The following DIP2C variants were observed in gnomAD, a reference collection of about 807,000 sequenced individuals.
The protein encoded by DIP2C is DIP2 acetate--CoA ligase C (putative).
Under a neutral mutation model 192.4 loss-of-function variants are expected in DIP2C, and 33 were observed. The observed-to-expected ratio is 0.17, with a 90% confidence interval of 0.13 to 0.23. The LOEUF (loss-of-function observed/expected upper bound fraction) is 0.23. Among genes scored for constraint, DIP2C ranks in the 10% least tolerant of loss-of-function variants. The pLI, the probability that DIP2C is intolerant of heterozygous loss-of-function variation, is 1.00. For missense variants in DIP2C, 1,537 were observed against 2,110.1 expected (o/e 0.73, Z 5.32); for synonymous variants, 979 against 864.1 (o/e 1.13, Z -2.33).
chr10:432,185 G>C (rs1308035499), intron 4 of DIP2C, among the ~76,000 whole-genome samples: 1 of 152,042 alleles, frequency 6.6e-6, no homozygotes, highest in Non-Finnish European at 1.5e-5. Context: ...TTTTGTTCCA[G>C]TTTTGGTATT....
chr10:332,004 C>T (rs953132704), intron 29 of DIP2C, among the ~76,000 whole-genome samples: 1 of 152,072 alleles, frequency 6.6e-6, no homozygotes, highest in African/African-American at 2.4e-5. Context: ...TCACTGTAGC[C>T]CTGACCTCAT....
intron 1 of DIP2C, among the ~76,000 whole-genome samples, chr10:586,158 C>A (rs776785918): frequency 6.6e-6 from 1 of 152,166 alleles, no homozygotes; most frequent in Non-Finnish European, 1.5e-5. Flanking sequence ...CCTTCTATTT[C>A]TCACAACTTC....
intron 1 of DIP2C, among the ~76,000 whole-genome samples, chr10:499,117 C>CA (rs1217629300): frequency 6.6e-6 from 1 of 152,210 alleles, no homozygotes; most frequent in Non-Finnish European, 1.5e-5. Flanking sequence ...TCAATGAGAA[C>CA]AGTATGGCTG....
intron 1 of DIP2C, among the ~76,000 whole-genome samples, chr10:544,962 A>G (rs1461431160): frequency 5.3e-5 from 8 of 152,046 alleles, no homozygotes; most frequent in Admixed American, 4.6e-4. Context: ...CATCTCATCT[A>G]AGGAACCATT....
chr10:586,084 C>G (rs973134304), intron 1 of DIP2C, among the ~76,000 whole-genome samples: 6 of 152,250 alleles, frequency 3.9e-5, no homozygotes, highest in African/African-American at 1.2e-4. Flanking sequence ...TGAGCACCAA[C>G]CAAGGCAAAG....
rs990493964 is a variant in DIP2C at position 606,063 on chromosome 10, C to A, written c.85+83431G>T. ...CTGTGCAAGTCTTCCTGGCGAGAAC[C>A]CCCGGAGCCTGCGCAGCGTGGAGAC... On this transcript the variant is annotated intron_variant, in intron 1 of 36. Coordinates refer to ENST00000280886, the MANE Select transcript of DIP2C (RefSeq NM_014974.3). Among the ~76,000 whole-genome samples, 2 of 152,246 alleles carry A rather than the reference C, an allele frequency of 1.3e-5. 1 individual carries two copies. Among genetic ancestry groups the A allele is most frequent in the South Asian group, 4.1e-4 (2 of 4,830 alleles).
intron 32 of DIP2C, among the ~76,000 whole-genome samples, chr10:298,322 G>C (rs1955857959): frequency 6.6e-6 from 1 of 152,204 alleles, no homozygotes; most frequent in Admixed American, 6.5e-5. Context: ...GGTAGACACG[G>C]ATCACAGGCA....
intron 6 of DIP2C, 132 bp downstream of exon 6, chr10:418,933 G>C: frequency 7.3e-7 from 1 of 1,371,512 alleles, no homozygotes. Flanking sequence ...AGAGGCTCCC[G>C]AAGATCTGAT....
At chr10:475,780 TAAC>T (rs2133464359) in intron 2 of DIP2C, among the ~76,000 whole-genome samples, 1 of 152,320 alleles carries the variant, frequency 6.6e-6, no homozygotes, top group East Asian at 1.9e-4. Flanking sequence ...GCAAGTGGCT[TAAC>T]GATATGTTCC....
chr10:481,909 T>A (rs1843640626), intron 2 of DIP2C, among the ~76,000 whole-genome samples: 1 of 152,176 alleles, frequency 6.6e-6, no homozygotes, highest in African/African-American at 2.4e-5. Flanking sequence ...CTGCCCAATG[T>A]CCACTTTCCG....
intron 1 of DIP2C, among the ~76,000 whole-genome samples, chr10:637,710 C>T (rs1200370827): frequency 6.6e-6 from 1 of 152,216 alleles, no homozygotes; most frequent in Non-Finnish European, 1.5e-5. Context: ...TGTTTAAAGG[C>T]ATTTTTGCTT....
intron 32 of DIP2C, among the ~76,000 whole-genome samples, chr10:307,186 C>T (rs1422690470): frequency 2.0e-5 from 3 of 152,198 alleles, no homozygotes; most frequent in African/African-American, 4.8e-5. Flanking sequence ...GTGCCAAATA[C>T]ACTTCTTTTC....
At chr10:278,113 G>T (rs1225570841) in intron 36 of DIP2C, among the ~76,000 whole-genome samples, 2 of 148,978 alleles carry the variant, frequency 1.3e-5, no homozygotes, top group African/African-American at 2.5e-5. Context: ...TGTGGACGCC[G>T]AGGGCATGGG....
chr10:512,542 G>A (rs938012881), intron 1 of DIP2C, among the ~76,000 whole-genome samples: 3 of 152,170 alleles, frequency 2.0e-5, no homozygotes, highest in East Asian at 1.9e-4. Flanking sequence ...CAAGATTTGC[G>A]TTGCTGCACT....
intron 1 of DIP2C, chr10:667,451 C>T (rs1259459220): frequency 6.6e-6 from 1 of 152,292 alleles, no homozygotes; most frequent in Non-Finnish European, 1.5e-5. Flanking sequence ...GTGGATGCCC[C>T]CGCCTCTCAC....
At chr10:484,654 T>TGGA (rs1420405480) in intron 2 of DIP2C, 2 of 1,342,780 alleles carry the variant, frequency 1.5e-6, no homozygotes, top group African/African-American at 1.5e-5. Flanking sequence ...CCTGGCTCAC[T>TGGA]GGAGAATGGG....
chr10:581,553 T>G (rs1413168088), intron 1 of DIP2C, among the ~76,000 whole-genome samples: 1 of 152,226 alleles, frequency 6.6e-6, no homozygotes, highest in African/African-American at 2.4e-5. Context: ...AGATTTATAC[T>G]AAATGATTTT....
chr10:608,797 ACCTCT>A (rs561427990), intron 1 of DIP2C, among the ~76,000 whole-genome samples: 58 of 139,092 alleles, frequency 4.2e-4, no homozygotes, highest in Admixed American at 2.4e-3. Context: ...TGGGGGATAA[ACCTCT>A]CCTCCAACCC....
chr10:292,030 C>T (rs1955519264), intron 32 of DIP2C, among the ~76,000 whole-genome samples: 1 of 152,248 alleles, frequency 6.6e-6, no homozygotes, highest in African/African-American at 2.4e-5. Context: ...AGAAGACTCT[C>T]ATCTTCCAAG....
Sources: allele counts gnomAD v4.1 joint callset (sites outside exome capture counted in the v4.1 genomes callset), GRCh38; gene constraint gnomAD v4.1.1; transcripts MANE v1.5; gene names NCBI Gene and HGNC (gene_info 2026-07-23, HGNC 2026-07-21).